FRMD4A: variants seen among roughly 807,000 people sequenced by gnomAD.
FRMD4A encodes the protein FERM domain-containing protein 4A.
Under a neutral mutation model 129.1 loss-of-function variants are expected in FRMD4A, and 29 were observed. That is an observed-to-expected ratio of 0.22 (90% CI 0.17 to 0.31). The LOEUF is 0.31. Ranked by LOEUF, FRMD4A falls within the 10% of genes least tolerant of loss-of-function variation. FRMD4A has a pLI of 1.00. For synonymous variants in FRMD4A, 634 were observed against 571.6 expected (o/e 1.11, Z -1.56); for missense variants, 1,272 against 1,375.8 (o/e 0.92, Z 1.19).
chr10:13,773,890 G>A (rs2092528685), intron 6 of FRMD4A, among the ~76,000 whole-genome samples: 1 of 152,242 alleles, frequency 6.6e-6, no homozygotes. Flanking sequence ...CACACCGGAA[G>A]AGGGAGAGGA....
intron 2 of FRMD4A, among the ~76,000 whole-genome samples, chr10:14,173,618 CTT>C (rs1043504377): frequency 6.6e-6 from 1 of 151,550 alleles, no homozygotes; most frequent in African/African-American, 2.4e-5. Flanking sequence ...TGGGCACACT[CTT>C]TGCCTTAAAC....
intron 6 of FRMD4A, among the ~76,000 whole-genome samples, chr10:13,764,420 C>T (rs1226250001): frequency 6.6e-6 from 1 of 151,836 alleles, no homozygotes; most frequent in Non-Finnish European, 1.5e-5. Context: ...TGGGAGGGTC[C>T]CCTGAGCCTG....
chr10:14,081,853 T>C (rs1334309765), intron 2 of FRMD4A, among the ~76,000 whole-genome samples: 3 of 152,312 alleles, frequency 2.0e-5, no homozygotes, highest in East Asian at 3.9e-4. Context: ...CCAAAGACCA[T>C]AGGCCTACAC....
chr10:13,910,888 GA>G (rs141449954), intron 2 of FRMD4A, among the ~76,000 whole-genome samples: 1 of 83,072 alleles, frequency 1.2e-5, no homozygotes, highest in African/African-American at 5.0e-5. Flanking sequence ...GGAGTTTCAT[GA>G]AAAAAAAAAA....
chr10:13,707,229 T>C, intron 12 of FRMD4A, 116 bp from the exon 13 acceptor site: 1 of 782,068 alleles, frequency 1.3e-6, no homozygotes, highest in Admixed American at 2.3e-5. Flanking sequence ...ACAGAGACCG[T>C]AGTCTGTGCC....
At chr10:13,826,602 C>A (rs2093704677) in intron 3 of FRMD4A, among the ~76,000 whole-genome samples, 1 of 152,108 alleles carries the variant, frequency 6.6e-6, no homozygotes, top group Admixed American at 6.5e-5. Context: ...AAGTGCTCTC[C>A]CCTGTGAATC....
At chr10:13,982,071 C>G (rs2095563532) in intron 2 of FRMD4A, among the ~76,000 whole-genome samples, 1 of 152,196 alleles carries the variant, frequency 6.6e-6, no homozygotes, top group Admixed American at 6.5e-5. Flanking sequence ...AACTAGAATC[C>G]CTCTTCCCCA....
intron 2 of FRMD4A, among the ~76,000 whole-genome samples, chr10:14,328,625 CAT>C (rs1491433643): frequency 5.7e-5 from 5 of 88,236 alleles, no homozygotes; most frequent in Non-Finnish European, 8.8e-5. Context: ...TATACATATG[CAT>C]GTGTGTGTGT....
chr10:13,919,278 G>A (rs888947654), intron 2 of FRMD4A, among the ~76,000 whole-genome samples: 3 of 152,208 alleles, frequency 2.0e-5, no homozygotes, highest in African/African-American at 7.2e-5. Flanking sequence ...GTTGGGTATT[G>A]TTTGACTTAG....
Position 14,206,234 on chromosome 10 carries a change from C to T in FRMD4A, c.45+123824G>A, listed in dbSNP as rs537618011. 1.6e-3 allele frequency among the ~76,000 whole-genome samples: 249 copies of T among 152,302 alleles called. 1 individual carries two copies. The highest frequency in any genetic ancestry group is 5.3e-3 in the African/African-American group (222 of 41,572). On this transcript the variant is annotated intron_variant, in intron 2 of 24. Coordinates refer to ENST00000357447, the MANE Select transcript of FRMD4A (RefSeq NM_018027.5). ...CAAGGCTCTCATAACCCTCTCAACACAAGGCGCACTTTTCTTCTTTCCATC... is the reference window on the plus strand; with the variant it reads ...CAAGGCTCTCATAACCCTCTCAACATAAGGCGCACTTTTCTTCTTTCCATC...
At chr10:13,972,433 G>A in intron 2 of FRMD4A, 3 of 408,964 alleles carry the variant, frequency 7.3e-6, no homozygotes, top group Non-Finnish European at 9.9e-6. Flanking sequence ...CCAAGTTTAG[G>A]TTGGGATTGA....
rs34292621 is a variant in FRMD4A at position 13,750,753 on chromosome 10, G to A, written c.465-2934C>T. 9.1e-3 allele frequency among the ~76,000 whole-genome samples: 1,384 copies of A among 152,252 alleles called. 7 individuals are homozygous for A. Among genetic ancestry groups the A allele is most frequent in the Admixed American group, 0.016 (252 of 15,290 alleles). ...GGCTAAGAGGGTTCAGCCTCTCCTG[G>A]GTTTGATCCAGGAGGCAGACAGCAG... On this transcript the variant is annotated intron_variant, in intron 8 of 24. Transcript: ENST00000357447.
At position 13,953,762 on chromosome 10, in the gene FRMD4A, A is replaced by G. The variant is rs190335456; in HGVS notation, c.46-94850T>C. ...ATCTCTTACTATGCCTAATTTATAA[A>G]TGAAACTTTATCCAAAGTAATGTAT... On this transcript the variant is annotated intron_variant, in intron 2 of 24. Transcript: ENST00000357447. 1.3e-3 allele frequency among the ~76,000 whole-genome samples: 193 copies of G among 152,330 alleles called. 1 individual carries two copies. The highest frequency in any genetic ancestry group is 2.1e-3 in the Non-Finnish European group (143 of 68,026).
At chr10:13,862,638 C>G (rs12263148) in intron 2 of FRMD4A, among the ~76,000 whole-genome samples, 2,992 of 152,320 alleles carry the variant, frequency 0.02, 113 homozygotes, top group African/African-American at 0.068. Flanking sequence ...GCAAACAGCA[C>G]AGAGAAGTGT....
At chr10:14,103,855 T>C (rs1326592581) in intron 2 of FRMD4A, among the ~76,000 whole-genome samples, 1 of 152,204 alleles carries the variant, frequency 6.6e-6, no homozygotes, top group African/African-American at 2.4e-5. Flanking sequence ...AGTAGAATTT[T>C]TTAAACTCTA....
intron 2 of FRMD4A, among the ~76,000 whole-genome samples, chr10:14,025,157 A>C (rs1210527792): frequency 6.6e-6 from 1 of 152,174 alleles, no homozygotes; most frequent in Non-Finnish European, 1.5e-5. Context: ...TCTCCATCCT[A>C]TGCACCCCCT....
intron 2 of FRMD4A, among the ~76,000 whole-genome samples, chr10:14,086,979 G>T (rs1836317580): frequency 6.6e-6 from 1 of 152,054 alleles, no homozygotes; most frequent in Non-Finnish European, 1.5e-5. Context: ...GTGGTAGGGG[G>T]TGTGTATTGA....
chr10:13,973,963 G>C (rs900797759), intron 2 of FRMD4A, among the ~76,000 whole-genome samples: 5 of 151,724 alleles, frequency 3.3e-5, no homozygotes, highest in African/African-American at 1.2e-4. Flanking sequence ...GGAGATCTTG[G>C]CTGTGAACCA....
intron 12 of FRMD4A, among the ~76,000 whole-genome samples, chr10:13,709,032 G>C (rs569121646): frequency 5.3e-5 from 8 of 152,056 alleles, no homozygotes; most frequent in Admixed American, 2.0e-4. Flanking sequence ...TCACGATCTC[G>C]GCTCACTGCA....
Sources: gnomAD v4.1 joint callset for allele counts (sites outside exome capture counted in the v4.1 genomes callset) on GRCh38, gnomAD v4.1.1 for gene constraint, MANE v1.5 for transcripts, NCBI Gene and HGNC (gene_info 2026-07-23, HGNC 2026-07-21) for gene names.